R3HDM2: variants seen among roughly 807,000 people sequenced by gnomAD.
R3HDM2 encodes R3H domain-containing protein 2.
Under a neutral mutation model 124.5 loss-of-function variants are expected in R3HDM2, and 38 were observed. That is an observed-to-expected ratio of 0.31 (90% CI 0.24 to 0.40). R3HDM2 has a LOEUF of 0.40. Ranked by LOEUF, R3HDM2 falls within the 10% of genes least tolerant of loss-of-function variation. The pLI is 1.00. For synonymous variants in R3HDM2, 391 were observed against 448.0 expected (o/e 0.87, Z 1.61); for missense variants, 869 against 1,236.9 (o/e 0.70, Z 4.46).
chr12:57,306,729 T>A (rs1353527459), intron 3 of R3HDM2, among the ~76,000 whole-genome samples: 1 of 151,946 alleles, frequency 6.6e-6, no homozygotes. Flanking sequence ...TAAAGGACAT[T>A]CTTGGCTGGG....
At chr12:57,393,394 C>T (rs1346022950) in intron 2 of R3HDM2, among the ~76,000 whole-genome samples, 4 of 152,212 alleles carry the variant, frequency 2.6e-5, no homozygotes, top group Admixed American at 1.3e-4. Flanking sequence ...TAAGCCAGGA[C>T]ACCCAGCCTA....
intron 14 of R3HDM2, among the ~76,000 whole-genome samples, chr12:57,276,975 T>C (rs892953651): frequency 4.6e-5 from 7 of 151,610 alleles, no homozygotes; most frequent in African/African-American, 1.7e-4. Context: ...ACTACAAATA[T>C]GGTGCAGTGT....
chr12:57,372,873 AACAAAATCCATGATTATGGTCTTCCCAG>A (rs1375783413), intron 2 of R3HDM2, among the ~76,000 whole-genome samples: 2 of 152,242 alleles, frequency 1.3e-5, no homozygotes, highest in Non-Finnish European at 2.9e-5. Context: ...TTGAAAACTG[AACAAAATCCATGATTATGGTCTTCCCAG>A]ATTTAAATTA....
At chr12:57,368,803 C>A (rs1381835474) in intron 2 of R3HDM2, among the ~76,000 whole-genome samples, 1 of 152,112 alleles carries the variant, frequency 6.6e-6, no homozygotes, top group Non-Finnish European at 1.5e-5. Context: ...AGTATAATAG[C>A]TTTAGTGAGT....
chr12:57,273,171 C>G (rs571954095), intron 14 of R3HDM2, among the ~76,000 whole-genome samples: 3 of 152,290 alleles, frequency 2.0e-5, no homozygotes, highest in Non-Finnish European at 2.9e-5. Flanking sequence ...TCCTTCCACT[C>G]CATGATTGCT....
At chr12:57,354,334 C>T (rs1003516041) in intron 2 of R3HDM2, among the ~76,000 whole-genome samples, 9 of 152,048 alleles carry the variant, frequency 5.9e-5, no homozygotes, top group Admixed American at 2.0e-4. Context: ...GACTCTGTCA[C>T]GCAGGCTCGA....
chr12:57,387,664 T>A (rs2066045920), intron 2 of R3HDM2, among the ~76,000 whole-genome samples: 1 of 152,212 alleles, frequency 6.6e-6, no homozygotes, highest in Non-Finnish European at 1.5e-5. Context: ...CCAGAAAGTT[T>A]GAGAACCACT....
chr12:57,344,812 TCTC>T (rs1388998161), intron 2 of R3HDM2, among the ~76,000 whole-genome samples: 26 of 151,914 alleles, frequency 1.7e-4, no homozygotes, highest in East Asian at 7.7e-4. Context: ...GAAAAAAACT[TCTC>T]CTGTTTTTTT....
At chr12:57,318,046 T>C (rs564660352) in intron 2 of R3HDM2, among the ~76,000 whole-genome samples, 11 of 149,500 alleles carry the variant, frequency 7.4e-5, no homozygotes, top group Non-Finnish European at 1.6e-4. Flanking sequence ...TTCCAGCACT[T>C]TGAGAGGCTG....
chr12:57,371,253 AAAG>A (rs2063347946), intron 2 of R3HDM2, among the ~76,000 whole-genome samples: 1 of 152,116 alleles, frequency 6.6e-6, no homozygotes, highest in Non-Finnish European at 1.5e-5. Flanking sequence ...TTAAAGAAGT[AAAG>A]AACACAGGAG....
intron 1 of R3HDM2, among the ~76,000 whole-genome samples, chr12:57,423,744 T>G (rs1594667734): frequency 1.6e-5 from 2 of 126,660 alleles, no homozygotes; most frequent in Non-Finnish European, 3.2e-5. Context: ...GAGACGGAGG[T>G]TGCAGTAAGC....
At chr12:57,338,638 C>T (rs915220699) in intron 2 of R3HDM2, among the ~76,000 whole-genome samples, 2 of 152,112 alleles carry the variant, frequency 1.3e-5, no homozygotes, top group African/African-American at 2.4e-5. Context: ...GTGATCCACC[C>T]ACCCTGGCCT....
In R3HDM2 at chr12:57,385,463, C is replaced by G. The variant is rs576744199; in HGVS notation, c.-36+10286G>C. On this transcript the variant is annotated intron_variant, in intron 2 of 23. Coordinates refer to ENST00000402412, the MANE Select transcript of R3HDM2 (RefSeq NM_001394031.1). Reference sequence around the variant, plus strand: ...TTCACCGTGTTAGCCAGAATGGTCTCGATCTCCTGACCTCGCGATCCGCCC... The same window carrying G: ...TTCACCGTGTTAGCCAGAATGGTCTGGATCTCCTGACCTCGCGATCCGCCC... Among the ~76,000 whole-genome samples, 8 of 151,910 alleles carry G rather than the reference C, an allele frequency of 5.3e-5. No individual in the cohort carries two copies. In the East Asian group the frequency reaches 1.2e-3, roughly 22 times the overall value.
At chr12:57,349,566 G>GTTT (rs1473563493) in intron 2 of R3HDM2, among the ~76,000 whole-genome samples, 1 of 140,778 alleles carries the variant, frequency 7.1e-6, no homozygotes, top group Non-Finnish European at 1.6e-5. Flanking sequence ...TTTTTTGGTT[G>GTTT]TTTTTTTTTT....
intron 12 of R3HDM2, among the ~76,000 whole-genome samples, chr12:57,286,252 A>G (rs1202847023): frequency 1.3e-5 from 2 of 152,126 alleles, no homozygotes; most frequent in African/African-American, 4.8e-5. Context: ...GGTCTGGGGA[A>G]TGGGTAGAGA....
At chr12:57,341,541 A>G in intron 2 of R3HDM2, 1 of 330,852 alleles carries the variant, frequency 3.0e-6, no homozygotes, top group Non-Finnish European at 4.3e-6. Context: ...AGCCAATTAT[A>G]AGAAAAAGTA....
intron 14 of R3HDM2, among the ~76,000 whole-genome samples, chr12:57,277,839 T>C (rs79245439): frequency 0.017 from 2,553 of 152,332 alleles, 40 homozygotes; most frequent in Middle Eastern, 0.051. Flanking sequence ...AGCACTGTTA[T>C]GTACCATTAG....
At chr12:57,344,418 C>T (rs2059896245) in intron 2 of R3HDM2, among the ~76,000 whole-genome samples, 2 of 152,140 alleles carry the variant, frequency 1.3e-5, no homozygotes. Flanking sequence ...ACATAATATT[C>T]AAATTTTCCA....
chr12:57,299,258 T>C (rs527589740), intron 6 of R3HDM2, 94 bp downstream of exon 6: 790 of 1,352,774 alleles, frequency 5.8e-4, no homozygotes, highest in Non-Finnish European at 7.6e-4. Flanking sequence ...ACACTACAAA[T>C]TGATGGGCCA....
Sources: gnomAD v4.1 joint callset for allele counts (sites outside exome capture counted in the v4.1 genomes callset) on GRCh38, gnomAD v4.1.1 for gene constraint, MANE v1.5 for transcripts, NCBI Gene and HGNC (gene_info 2026-07-23, HGNC 2026-07-21) for gene names.